Variants in RBMS3 observed in about 807,000 individuals in gnomAD.
RBMS3 encodes RNA-binding motif, single-stranded-interacting protein 3.
RBMS3 carries 27 observed loss-of-function variants against 66.8 expected under a neutral mutation model. That is an observed-to-expected ratio of 0.40 (90% CI 0.30 to 0.56). The LOEUF (loss-of-function observed/expected upper bound fraction) is 0.56. Among genes scored for constraint, RBMS3 ranks in the 20% least tolerant of loss-of-function variants. The pLI, the probability that RBMS3 is intolerant of heterozygous loss-of-function variation, is 0.40. For missense variants in RBMS3, 513 were observed against 549.5 expected (o/e 0.93, Z 0.66); for synonymous variants, 188 against 183.0 (o/e 1.03, Z -0.22).
chr3:29,514,540 C>G (rs1410104039), intron 3 of RBMS3, among the ~76,000 whole-genome samples: 2 of 151,276 alleles, frequency 1.3e-5, no homozygotes, highest in Non-Finnish European at 1.5e-5. Flanking sequence ...CAAACATGTA[C>G]TTTTGGAAAA....
intron 1 of RBMS3, among the ~76,000 whole-genome samples, chr3:29,330,687 T>C (rs1193696080): frequency 6.6e-6 from 1 of 152,140 alleles, no homozygotes. Context: ...GAAGCAGTGC[T>C]TAAGTTTCCC....
In RBMS3 at chr3:29,943,319, A is replaced by T. The variant is rs867529774; in HGVS notation, c.1051-888A>T. The stretch of plus-strand genomic sequence containing the variant: ...CAATATCAAGTTTCTTTTAGAGTTT[A>T]CCCCTCCAAGGGGAGTGGGGACAAA... On this transcript the variant is annotated intron_variant, in intron 11 of 14. Transcript: ENST00000383767. 2.0e-5 allele frequency among the ~76,000 whole-genome samples: 3 copies of T among 151,792 alleles called. No homozygotes were observed. In the South Asian group the frequency reaches 6.2e-4, roughly 31 times the overall value.
chr3:29,915,686 G>A (rs1377878311), intron 10 of RBMS3, among the ~76,000 whole-genome samples: 3 of 151,806 alleles, frequency 2.0e-5, no homozygotes, highest in Non-Finnish European at 2.9e-5. Context: ...ATCAGCAGGA[G>A]GTCCTTTTAG....
intron 3 of RBMS3, among the ~76,000 whole-genome samples, chr3:29,517,039 C>T (rs1421071820): frequency 2.0e-5 from 3 of 151,710 alleles, no homozygotes; most frequent in Admixed American, 6.6e-5. Context: ...ATAGTGAAAC[C>T]GATCTCTACT....
chr3:29,605,035 C>T (rs1321235476), intron 4 of RBMS3, among the ~76,000 whole-genome samples: 1 of 151,896 alleles, frequency 6.6e-6, no homozygotes, highest in Non-Finnish European at 1.5e-5. Flanking sequence ...ACAACTTTCT[C>T]ATAGCTTGTT....
chr3:29,718,374 T>C (rs1162522060), intron 4 of RBMS3, among the ~76,000 whole-genome samples: 1 of 152,010 alleles, frequency 6.6e-6, no homozygotes, highest in Non-Finnish European at 1.5e-5. Context: ...TTTTAGTGCA[T>C]TAAGTTTATT....
intron 3 of RBMS3, among the ~76,000 whole-genome samples, chr3:29,569,011 A>G (rs1372810746): frequency 1.3e-5 from 2 of 152,130 alleles, no homozygotes; most frequent in African/African-American, 2.4e-5. Flanking sequence ...AGCCTGATTC[A>G]GTAGACCTAG....
chr3:29,816,759 A>G lies in RBMS3; in HGVS notation c.638-52099A>G, dbSNP rs527389582. On this transcript the variant is annotated intron_variant, in intron 6 of 14. Coordinates refer to ENST00000383767, the MANE Select transcript of RBMS3 (RefSeq NM_001003793.3). ...TGAGTCAAAACAGTTGGCACAGAGT[A>G]CTTAAGACATGCTTGATCCCAACTG... Among the ~76,000 whole-genome samples, 3 of 152,314 alleles carry G rather than the reference A, an allele frequency of 2.0e-5. No homozygotes were observed. In the South Asian group the frequency reaches 6.2e-4, roughly 32 times the overall value.
chr3:29,582,678 C>T (rs917187679), intron 3 of RBMS3, among the ~76,000 whole-genome samples: 1 of 152,192 alleles, frequency 6.6e-6, no homozygotes, highest in Non-Finnish European at 1.5e-5. Flanking sequence ...GATGTAGGTA[C>T]AGAGGTTGCT....
intron 12 of RBMS3, among the ~76,000 whole-genome samples, chr3:29,953,633 A>G (rs2149719846): frequency 6.6e-6 from 1 of 152,054 alleles, no homozygotes; most frequent in African/African-American, 2.4e-5. Context: ...CATCACATAC[A>G]TACTATGTTC....
intron 2 of RBMS3, among the ~76,000 whole-genome samples, chr3:29,462,961 A>G (rs1380784912): frequency 6.6e-6 from 1 of 152,232 alleles, no homozygotes; most frequent in Non-Finnish European, 1.5e-5. Flanking sequence ...AGTGTTAAAA[A>G]CATAGAGGGA....
At chr3:29,737,155 T>G (rs1271631342) in intron 4 of RBMS3, among the ~76,000 whole-genome samples, 10 of 152,064 alleles carry the variant, frequency 6.6e-5, no homozygotes. Flanking sequence ...TTTTGTATTT[T>G]TAGTAGAGAT....
intron 10 of RBMS3, chr3:29,925,305 T>C (rs953061332): frequency 1.3e-5 from 2 of 152,188 alleles, no homozygotes; most frequent in African/African-American, 4.8e-5. Flanking sequence ...ATGCGGCATA[T>C]ACCATCTCTT....
intron 2 of RBMS3, among the ~76,000 whole-genome samples, chr3:29,436,253 G>C (rs1190924479): frequency 6.6e-6 from 1 of 152,046 alleles, no homozygotes; most frequent in Admixed American, 6.6e-5. Context: ...TTTTAAGATT[G>C]GGAATACATA....
chr3:29,427,437 G>A (rs962092203), intron 1 of RBMS3, among the ~76,000 whole-genome samples: 8 of 152,100 alleles, frequency 5.3e-5, no homozygotes, highest in African/African-American at 9.7e-5. Context: ...AGTTCTTATC[G>A]TGTCCACTCT....
rs140684649 is a variant in RBMS3, at chr3:29,462,743, A to G, written c.249-25698A>G. Among the ~76,000 whole-genome samples, 367 of 152,362 alleles carry G rather than the reference A, an allele frequency of 2.4e-3. 1 individual carries two copies. The highest frequency in any genetic ancestry group is 7.9e-3 in the African/African-American group (328 of 41,598). On this transcript the variant is annotated intron_variant, in intron 2 of 14. Coordinates refer to ENST00000383767, the MANE Select transcript of RBMS3 (RefSeq NM_001003793.3). The stretch of plus-strand genomic sequence containing the variant: ...TACCACAGCTGAGTTGTTGAGAATG[A>G]TAACTCTATAACCCAGAGGGATGGA...
chr3:29,954,310 C>T (rs2149721148), intron 12 of RBMS3, among the ~76,000 whole-genome samples: 1 of 152,018 alleles, frequency 6.6e-6, no homozygotes, highest in South Asian at 2.1e-4. Flanking sequence ...TAGATATCCC[C>T]TATCCACTCT....
chr3:29,367,311 A>G (rs13315577), intron 1 of RBMS3, among the ~76,000 whole-genome samples: 43 of 152,272 alleles, frequency 2.8e-4, no homozygotes, highest in African/African-American at 1.0e-3. Flanking sequence ...TAAAACATAT[A>G]TTCAAAAATG....
chr3:29,541,211 C>T (rs191920499), intron 3 of RBMS3, among the ~76,000 whole-genome samples: 53 of 152,232 alleles, frequency 3.5e-4, no homozygotes, highest in Admixed American at 2.9e-3. Flanking sequence ...AAAATGTATT[C>T]GGAGCTCAGA....
Sources: gnomAD v4.1 joint callset for allele counts (sites outside exome capture counted in the v4.1 genomes callset) on GRCh38, gnomAD v4.1.1 for gene constraint, MANE v1.5 for transcripts, NCBI Gene and HGNC (gene_info 2026-07-23, HGNC 2026-07-21) for gene names.